The following YARS2 variants were observed in gnomAD, a reference collection of about 807,000 sequenced individuals.
The protein encoded by YARS2 is tyrosyl-tRNA synthetase 2, also known as tyrosine--tRNA ligase, mitochondrial.
A neutral mutation model predicts 45.0 loss-of-function variants in YARS2; 38 were observed. That is an observed-to-expected ratio of 0.84 (90% CI 0.65 to 1.11). YARS2 has a LOEUF of 1.11. Among genes scored for constraint, YARS2 ranks in the 50% least tolerant of loss-of-function variants. The pLI is 0.00. For missense variants in YARS2, 602 were observed against 599.8 expected, an observed-to-expected ratio of 1.00 and a Z score of -0.04; for synonymous variants, 287 against 245.1, an observed-to-expected ratio of 1.17 and a Z score of -1.60.
Position 32,746,980 on chromosome 12 carries a change from T to C in YARS2, c.*224A>G, listed in dbSNP as rs1955651181. 4.0e-6 allele frequency: 2 copies of C among 505,170 alleles called. No individual in the cohort carries two copies. The highest frequency in any genetic ancestry group is 7.0e-6 in the Non-Finnish European group (2 of 286,246). The allele number at this position is 505,170 out of a possible 1,614,324, so 31.3% of individuals were successfully genotyped here. Reference sequence around the variant, plus strand: ...AGATTAACCCTGAAAATCATGGTTTTCTATGGTAATCAAGCTTTGTACATC... The same window carrying C: ...AGATTAACCCTGAAAATCATGGTTTCCTATGGTAATCAAGCTTTGTACATC... On this transcript the variant is annotated 3_prime_UTR_variant, in exon 5 of 5. Transcript: ENST00000324868.
intron 4 of YARS2, among the ~76,000 whole-genome samples, chr12:32,747,870 C>G (rs1955672669): frequency 6.6e-6 from 1 of 151,982 alleles, no homozygotes; most frequent in Admixed American, 6.6e-5. Flanking sequence ...CTTTTAAAGA[C>G]TCCGTCTCAA....
rs267607180 is a variant in YARS2, at chr12:32,755,719, G to C, written c.156C>G (p.Phe52Leu). ...GCTCTATTTTCGTCCCCGTCTCCGG[G>C]AAGAAGTCCTTGAACAGACCTCGAG... ...QKARGLFKDF[F>L]PETGTKIELP... Residue 52 changes from phenylalanine (F) to leucine (L), a missense_variant, in exon 1 of 5, where the codon TTC becomes TTG. Physicochemically the swap from Phe to Leu is conservative, Grantham distance 22 (BLOSUM62 0). Transcript: ENST00000324868. 5 of 1,614,226 alleles carry C rather than the reference G, an allele frequency of 3.1e-6. No individual in the cohort carries two copies. In the Middle Eastern group the frequency reaches 4.9e-4, roughly 160 times the overall value.
In YARS2 at chr12:32,755,134, T is replaced by C. The variant is rs1359916168; in HGVS notation, c.741A>G (p.Gln247=). ...GCRVQLGGSD[Q]LGNIMSGYEF... ...CATATCCGGACATGATGTTGCCTAG[T>C]TGATCAGATCCGCCCAGCTGGACCC... The change falls in exon 1 of 5, where the codon CAA becomes CAG. Residue 247 remains glutamine (Q), a synonymous_variant. Transcript: ENST00000324868. The C allele has an allele frequency of 1.9e-6, 3 of 1,614,208 alleles. No homozygotes were observed. The highest frequency in any genetic ancestry group is 4.5e-5 in the East Asian group (2 of 44,876).
In YARS2 at chr12:32,749,941, G is replaced by A. The variant is rs760796475; in HGVS notation, c.1270C>T (p.Arg424Ter). ...RKANAIPDGPRGYRMITEGGV... is the reference protein window; with the variant it reads ...RKANAIPDGP ...CTAAAAGTTAAATAATCTTACCCTC[G>A]GGGACCATCTGGAATGGCATTTGCT... The change falls in exon 4 of 5, where the codon CGA (arginine) becomes TGA (stop). Residue 424 changes from arginine (R) to a stop codon, truncating the protein, a stop_gained. Coordinates refer to ENST00000324868, the MANE Select transcript of YARS2 (RefSeq NM_001040436.3). LOFTEE classifies it high-confidence loss of function. The A allele has an allele frequency of 6.8e-6, 11 of 1,613,794 alleles. No individual in the cohort carries two copies. Among genetic ancestry groups the A allele is most frequent in the Middle Eastern group, 1.6e-4 (1 of 6,082 alleles).
chr12:32,752,740 C>CAAAAAAAAAAAAAAAA, intron 2 of YARS2: 1 of 193,402 alleles, frequency 5.2e-6, no homozygotes, highest in Non-Finnish European at 9.7e-6. Flanking sequence ...GACACTGCCT[C>CAAAAAAAAAAAAAAAA]AAAAAAAAAA....
intron 2 of YARS2, among the ~76,000 whole-genome samples, chr12:32,752,007 T>G (rs1429252972): frequency 6.6e-6 from 1 of 152,182 alleles, no homozygotes; most frequent in Non-Finnish European, 1.5e-5. Flanking sequence ...AGTACAGTAA[T>G]GTGCTGTATG....
At position 32,750,051 on chromosome 12, in the gene YARS2, T is replaced by C. The variant is rs1204354370; in HGVS notation, c.1160A>G (p.Gln387Arg). The C allele has an allele frequency of 1.9e-6, 3 of 1,614,076 alleles. No homozygotes were observed. The highest frequency in any genetic ancestry group is 4.5e-5 in the East Asian group (2 of 44,896). ...TTCTTTAAACAACTCTTTTAACTCC[T>C]GATCAGACATGACCTCCAGTGCATC... ...SIDALEVMSD[Q>R]ELKELFKEAP... Residue 387 changes from glutamine (Q) to arginine (R), a missense_variant, in exon 4 of 5, where the codon CAG becomes CGG. Coordinates refer to ENST00000324868, the MANE Select transcript of YARS2 (RefSeq NM_001040436.3).
intron 2 of YARS2, among the ~76,000 whole-genome samples, chr12:32,752,321 T>C (rs887786491): frequency 3.3e-5 from 5 of 152,274 alleles, no homozygotes; most frequent in African/African-American, 9.6e-5. Context: ...AAATACAGTA[T>C]TGGGCCGGGC....
intron 4 of YARS2, among the ~76,000 whole-genome samples, chr12:32,748,833 A>G (rs1024220404): frequency 4.6e-5 from 7 of 152,232 alleles, no homozygotes; most frequent in African/African-American, 1.7e-4. Flanking sequence ...ATTCATAATC[A>G]TGGCCATGAT....
At chr12:32,752,850 T>C in intron 2 of YARS2, 1 of 284,058 alleles carries the variant, frequency 3.5e-6, no homozygotes, top group Non-Finnish European at 7.3e-6. Context: ...AAAACACAAT[T>C]ACCAAAATTT....
In YARS2 at chr12:32,750,744, G is replaced by T. The variant is rs587777214; in HGVS notation, c.1078C>A (p.Arg360=). The T allele has an allele frequency of 1.2e-6, 2 of 1,613,834 alleles. No homozygotes were observed. The highest frequency in any genetic ancestry group is 8.5e-7 in the Non-Finnish European group (1 of 1,180,018). The change falls in exon 3 of 5, where the codon CGA becomes AGA. Residue 360 remains arginine (R), a synonymous_variant. Transcript: ENST00000324868. ...AAEVTKLVHG[R]EGLDSAKRCT... ...CTTTTAGCAGAATCCAATCCTTCTC[G>T]TCCATGAACAAGCTTTGTTACTTCT...
At chr12:32,750,137 T>C (rs1955712073) in intron 3 of YARS2, 30 bp from the exon 4 acceptor site, 2 of 1,612,120 alleles carry the variant, frequency 1.2e-6, no homozygotes, top group Non-Finnish European at 1.7e-6. Flanking sequence ...AGCTACATCA[T>C]ATAAATGTTT....
rs753505641 is a variant in YARS2 at position 32,755,497 on chromosome 12, G to A, written c.378C>T (p.Thr126=). ...CTGTCTCCAGCGCCTCGCGTTCCTT[G>A]GTACGGCCGCTCGGGTCTCCCAGGC... ...TARLGDPSGR[T]KEREALETER... Residue 126 remains threonine, a synonymous_variant, in exon 1 of 5, where the codon ACC becomes ACT. Transcript: ENST00000324868. 4 of 1,612,352 alleles carry A rather than the reference G, an allele frequency of 2.5e-6. No homozygotes were observed. The highest frequency in any genetic ancestry group is 1.7e-5 in the Admixed American group (1 of 59,760).
At chr12:32,754,711 C>CA (rs1555136696) in intron 1 of YARS2, among the ~76,000 whole-genome samples, 1 of 126,720 alleles carries the variant, frequency 7.9e-6, no homozygotes, top group Admixed American at 8.2e-5. Flanking sequence ...GTCTGTTTCC[C>CA]TTTTTTTTTT....
At chr12:32,751,639 G>C (rs543211373) in intron 2 of YARS2, among the ~76,000 whole-genome samples, 1 of 152,136 alleles carries the variant, frequency 6.6e-6, no homozygotes, top group Non-Finnish European at 1.5e-5. Flanking sequence ...TTGGCACCAC[G>C]AGGCGGCGGG....
chr12:32,750,536 A>C (rs896354895), intron 3 of YARS2, among the ~76,000 whole-genome samples, 183 bp downstream of exon 3: 1 of 152,194 alleles, frequency 6.6e-6, no homozygotes, highest in Non-Finnish European at 1.5e-5. Flanking sequence ...ATCTGGTATA[A>C]TTCATAAACT....
Position 32,755,562 on chromosome 12 carries a change from C to A in YARS2, c.313G>T (p.Gly105Cys), listed in dbSNP as rs746136310. 5.0e-6 allele frequency: 8 copies of A among 1,613,740 alleles called. No individual in the cohort carries two copies. The highest frequency in any genetic ancestry group is 6.8e-6 in the Non-Finnish European group (8 of 1,179,894). The change falls in exon 1 of 5, where the codon GGC becomes TGC. Residue 105 changes from glycine to cysteine, a missense_variant. By Grantham distance (159) the Gly-to-Cys change is radical. Transcript: ENST00000324868. ...LLGLFHLQRA[G>C]HNVIALVGGA... ...CCCACCAGCGCGATCACGTTGTGGC[C>A]CGCTCGCTGCAAATGAAACAGGCCC...
intron 1 of YARS2, 131 bp from the exon 2 acceptor site, chr12:32,754,216 T>A: frequency 1.9e-6 from 2 of 1,028,022 alleles, no homozygotes; most frequent in African/African-American, 1.6e-5. Context: ...TCTGAATTCT[T>A]GTTCCTCTTA....
At chr12:32,753,858 C>T in intron 2 of YARS2, 60 bp downstream of exon 2, 1 of 1,602,228 alleles carries the variant, frequency 6.2e-7, no homozygotes, top group Non-Finnish European at 8.5e-7. Context: ...GATTCAATGG[C>T]TAAAATTACA....
Sources: allele counts gnomAD v4.1 joint callset (sites outside exome capture counted in the v4.1 genomes callset), GRCh38; gene constraint gnomAD v4.1.1; transcripts MANE v1.5; gene names NCBI Gene and HGNC (gene_info 2026-07-23, HGNC 2026-07-21).